ADCY3: variants seen among roughly 807,000 people sequenced by gnomAD.
The protein encoded by ADCY3 is adenylate cyclase type 3.
In ADCY3, 70 loss-of-function variants were observed where a neutral mutation model predicts 119.4. That is an observed-to-expected ratio of 0.59 (90% CI 0.48 to 0.72). The LOEUF is 0.72. Among genes scored for constraint, ADCY3 ranks in the 30% least tolerant of loss-of-function variants. The pLI is 0.00. For missense variants in ADCY3, 1,238 were observed against 1,541.6 expected (o/e 0.80, Z 3.30); for synonymous variants, 672 against 621.4 (o/e 1.08, Z -1.21).
At position 24,919,718 on chromosome 2, in the gene ADCY3, G is replaced by C. The variant is rs1056311207; in HGVS notation, c.-233C>G. ...ACTCGGCCACCGCGTGCTCCGGGAC[G>C]GTCCCCGCGCGGGCTGGGGCGGGAG... On this transcript the variant is annotated 5_prime_UTR_variant, in exon 1 of 22. Transcript: ENST00000679454. This position sits in a 1 kb window ranked among gnomAD's most constrained non-coding sequence, Gnocchi z 5.5. 4 of 151,994 alleles carry C rather than the reference G, an allele frequency of 2.6e-5. No individual in the cohort carries two copies. The highest frequency in any genetic ancestry group is 7.2e-5 in the African/African-American group (3 of 41,414). The allele number at this position is 151,994 out of a possible 1,614,324, so 9.4% of individuals were successfully genotyped here.
intron 3 of ADCY3, among the ~76,000 whole-genome samples, chr2:24,870,604 G>C (rs1490658421): frequency 6.6e-6 from 1 of 152,178 alleles, no homozygotes; most frequent in Non-Finnish European, 1.5e-5. Flanking sequence ...CCACTGCAGC[G>C]TGGGCAGGCA....
chr2:24,833,998 C>T (rs1433558540), intron 11 of ADCY3, among the ~76,000 whole-genome samples: 1 of 152,242 alleles, frequency 6.6e-6, no homozygotes, highest in East Asian at 1.9e-4. Flanking sequence ...GACAGGGCTT[C>T]ACCAGCTGGG....
intron 3 of ADCY3, among the ~76,000 whole-genome samples, chr2:24,857,645 C>G (rs1673168962): frequency 6.6e-6 from 1 of 152,256 alleles, no homozygotes; most frequent in Admixed American, 6.5e-5. Flanking sequence ...TGTGCCAACT[C>G]TGATGGGCAG....
intron 3 of ADCY3, among the ~76,000 whole-genome samples, chr2:24,870,725 G>A (rs1674887294): frequency 6.6e-6 from 1 of 152,194 alleles, no homozygotes; most frequent in Non-Finnish European, 1.5e-5. Context: ...CACTGACCCT[G>A]CCCAGAGGAA....
intron 8 of ADCY3, 105 bp downstream of exon 8, chr2:24,838,340 G>A: frequency 8.3e-7 from 1 of 1,207,914 alleles, no homozygotes; most frequent in South Asian, 1.5e-5. Flanking sequence ...AGCCACTGCT[G>A]GGTCCTGCCA....
At chr2:24,861,268 A>G (rs942851370) in intron 3 of ADCY3, among the ~76,000 whole-genome samples, 4 of 145,150 alleles carry the variant, frequency 2.8e-5, no homozygotes, top group African/African-American at 5.2e-5. Context: ...AAAAAAAAAA[A>G]AGATAAGAGC....
rs1466479128 is a variant in ADCY3 at position 24,842,146 on chromosome 2, T to TA, written c.956+107dup. On this transcript the variant is annotated intron_variant, in intron 4 of 21. Transcript: ENST00000679454. This position sits in a 1 kb window ranked among gnomAD's most constrained non-coding sequence, Gnocchi z 4.9. ...TGAATGCTGTGGGAGGCCTTGCTTCTAGTCCCTGGAAAACCTCTTGAAGCC... is the reference window on the plus strand; with the variant it reads ...TGAATGCTGTGGGAGGCCTTGCTTCTAAGTCCCTGGAAAACCTCTTGAAGCC... 3 of 1,505,918 alleles carry TA rather than the reference T, an allele frequency of 2.0e-6. No individual in the cohort carries two copies. Among genetic ancestry groups the TA allele is most frequent in the Non-Finnish European group, 2.7e-6 (3 of 1,108,926 alleles). 93.3% of individuals were successfully genotyped at this position (1,505,918 alleles called of 1,614,324 possible).
At chr2:24,858,681 A>G (rs1035170965) in intron 3 of ADCY3, among the ~76,000 whole-genome samples, 3 of 152,252 alleles carry the variant, frequency 2.0e-5, no homozygotes, top group Non-Finnish European at 4.4e-5. Flanking sequence ...ACAACTCTAC[A>G]GTTCTCCAGC....
In ADCY3 at chr2:24,840,007, A is replaced by G; in HGVS notation, c.1221T>C (p.Thr407=). Residue 407 remains threonine, a synonymous_variant, in exon 7 of 22, where the codon ACT becomes ACC. Coordinates refer to ENST00000679454, the MANE Select transcript of ADCY3 (RefSeq NM_004036.5). ...GCACCCCCACACGCATGTCCACCCC[A>G]GTCTTGGTCTTCTCCCGCACATACC... The part of the protein sequence containing the change: ...AISYVREKTK[T]GVDMRVGVHT... The G allele has an allele frequency of 6.2e-7, 1 of 1,612,992 alleles. No individual in the cohort carries two copies. Among genetic ancestry groups the G allele is most frequent in the East Asian group, 2.2e-5 (1 of 44,846 alleles).
intron 2 of ADCY3, among the ~76,000 whole-genome samples, chr2:24,874,288 A>G (rs1288673171): frequency 6.6e-6 from 1 of 152,202 alleles, no homozygotes; most frequent in Non-Finnish European, 1.5e-5. Context: ...GTCTGGTTCC[A>G]GCTTGTAATG....
chr2:24,821,057 C>G (rs1011548025), intron 20 of ADCY3: 9 of 635,664 alleles, frequency 1.4e-5, no homozygotes, highest in African/African-American at 5.6e-5. Flanking sequence ...ACCCCCCCCC[C>G]ATATGCAGAT....
intron 3 of ADCY3, among the ~76,000 whole-genome samples, chr2:24,867,948 A>G (rs1414283902): frequency 1.3e-5 from 2 of 152,208 alleles, no homozygotes; most frequent in South Asian, 2.1e-4. Flanking sequence ...CATCATGACT[A>G]AAGAGGTAAG....
At position 24,898,064 on chromosome 2, in the gene ADCY3, C is replaced by T. The variant is rs1363592965; in HGVS notation, c.675+20249G>A. Among the ~76,000 whole-genome samples, 1 of 152,160 alleles carries T rather than the reference C, an allele frequency of 6.6e-6. No homozygotes were observed. The highest frequency in any genetic ancestry group is 2.4e-5 in the African/African-American group (1 of 41,430). On this transcript the variant is annotated intron_variant, in intron 2 of 21. Coordinates refer to ENST00000679454, the MANE Select transcript of ADCY3 (RefSeq NM_004036.5). The surrounding 1 kb of genome is among the most constrained non-coding windows in gnomAD (Gnocchi z 4.3). ...TTCAGATCCCAAATAACCTTCCAGG[C>T]TTCTTTGTTACTACTGCACCCAACT...
chr2:24,919,255 A>T lies in ADCY3; in HGVS notation c.-197-71T>A. On this transcript the variant is annotated intron_variant, in intron 1 of 21. Transcript: ENST00000679454. This position sits in a 1 kb window ranked among gnomAD's most constrained non-coding sequence, Gnocchi z 5.5. Reference sequence around the variant, plus strand: ...TGCGGTTTCCCCATGACCCGCCCTAACCCTCATAAAAGGATCTCTGCTGCA... The same window carrying T: ...TGCGGTTTCCCCATGACCCGCCCTATCCCTCATAAAAGGATCTCTGCTGCA... 1 of 449,296 alleles carries T rather than the reference A, an allele frequency of 2.2e-6. No homozygotes were observed. The highest frequency in any genetic ancestry group is 4.0e-6 in the Non-Finnish European group (1 of 247,036). 27.8% of individuals were successfully genotyped at this position (449,296 alleles called of 1,614,324 possible).
chr2:24,894,346 A>G (rs28836469), intron 2 of ADCY3, among the ~76,000 whole-genome samples: 79,888 of 151,884 alleles, frequency 0.53, 23,325 homozygotes, highest in African/African-American at 0.8. Flanking sequence ...ATGCTGTTAT[A>G]TGCCTGTAGT....
intron 19 of ADCY3, chr2:24,822,256 A>AG: frequency 5.2e-6 from 2 of 387,016 alleles, no homozygotes; most frequent in Non-Finnish European, 4.7e-6. Flanking sequence ...ACAGAGCCTT[A>AG]GGGGGCCTGG....
chr2:24,916,997 T>A (rs774336670), intron 2 of ADCY3, among the ~76,000 whole-genome samples: 50 of 152,268 alleles, frequency 3.3e-4, no homozygotes, highest in Admixed American at 7.8e-4. Flanking sequence ...TGTTTCCTCC[T>A]CTGTAAAATG....
At chr2:24,850,573 T>C (rs535205049) in intron 3 of ADCY3, among the ~76,000 whole-genome samples, 10 of 152,330 alleles carry the variant, frequency 6.6e-5, no homozygotes, top group East Asian at 1.9e-4. Flanking sequence ...CTTCCAAAGA[T>C]AGCAGTTGCT....
intron 2 of ADCY3, among the ~76,000 whole-genome samples, chr2:24,912,989 C>A (rs574266163): frequency 6.7e-4 from 102 of 152,354 alleles, no homozygotes; most frequent in Middle Eastern, 3.4e-3. Flanking sequence ...CTGCAGTCCC[C>A]TTCTACGCAC....
Sources: gnomAD v4.1 joint callset for allele counts (sites outside exome capture counted in the v4.1 genomes callset) on GRCh38, gnomAD v4.1.1 for gene constraint, Gnocchi (gnomAD v3.1) non-coding constraint, MANE v1.5 for transcripts, NCBI Gene and HGNC (gene_info 2026-07-23, HGNC 2026-07-21) for gene names.